The following LRRC4C variants were observed in gnomAD, a reference collection of about 807,000 sequenced individuals.
LRRC4C encodes the protein leucine rich repeat containing 4C.
A neutral mutation model predicts 33.6 loss-of-function variants in LRRC4C; 5 were observed. The observed-to-expected ratio is 0.15, with a 90% CI of 0.08 to 0.31. LRRC4C has a LOEUF of 0.31. LRRC4C is among the 10% of genes least tolerant of loss of function. The pLI is 1.00. For synonymous variants in LRRC4C, 329 were observed against 302.0 expected (o/e 1.09, Z -0.93); for missense variants, 560 against 796.7 (o/e 0.70, Z 3.58).
At position 40,382,168 on chromosome 11, in the gene LRRC4C, G is replaced by C. The variant is rs1439803897; in HGVS notation, c.-269-62447C>G. Among the ~76,000 whole-genome samples the C allele has an allele frequency of 2.8e-4, 34 of 122,882 alleles. No individual in the cohort carries two copies. In the East Asian group the frequency reaches 4.6e-3, roughly 17 times the overall value. The allele number at this position is 122,882 out of a possible 152,430, so 80.6% of individuals were successfully genotyped here. Reference sequence around the variant, plus strand: ...TTTTTTTTTTTTTGTATTTCTAGTAGAGACAGGGTTTCACCGTGTTAACTA... The same window carrying C: ...TTTTTTTTTTTTTGTATTTCTAGTACAGACAGGGTTTCACCGTGTTAACTA... On this transcript the variant is annotated intron_variant, in intron 3 of 6. Coordinates refer to ENST00000528697, the MANE Select transcript of LRRC4C (RefSeq NM_001258419.2).
At chr11:40,586,884 A>G (rs1958779336) in intron 3 of LRRC4C, among the ~76,000 whole-genome samples, 1 of 152,224 alleles carries the variant, frequency 6.6e-6, no homozygotes, top group Non-Finnish European at 1.5e-5. Context: ...GTAGCCTTGT[A>G]GTATAGTTTG....
intron 1 of LRRC4C, among the ~76,000 whole-genome samples, chr11:40,974,963 T>G (rs1851981281): frequency 6.6e-6 from 1 of 152,130 alleles, no homozygotes. Context: ...CAACATCAGC[T>G]TTTCTGGTTT....
intron 2 of LRRC4C, among the ~76,000 whole-genome samples, chr11:40,656,237 T>C (rs1943104536): frequency 6.6e-6 from 1 of 151,660 alleles, no homozygotes. Flanking sequence ...TTTTGTCCAC[T>C]CATCTCTAAT....
At chr11:40,465,916 GCTATTGGGTAT>G (rs1952629101) in intron 3 of LRRC4C, among the ~76,000 whole-genome samples, 1 of 151,962 alleles carries the variant, frequency 6.6e-6, no homozygotes, top group Non-Finnish European at 1.5e-5. Flanking sequence ...CAGCAATTCC[GCTATTGGGTAT>G]CTACCCAAAG....
At chr11:40,999,905 G>A (rs1003129830) in intron 1 of LRRC4C, among the ~76,000 whole-genome samples, 8 of 152,002 alleles carry the variant, frequency 5.3e-5, no homozygotes, top group African/African-American at 1.9e-4. Flanking sequence ...TGTGACAGAA[G>A]GGAGAAAGGC....
chr11:41,265,627 T>C (rs1211542849), intron 1 of LRRC4C, among the ~76,000 whole-genome samples: 1 of 152,106 alleles, frequency 6.6e-6, no homozygotes, highest in Non-Finnish European at 1.5e-5. Context: ...GGGAAAAACC[T>C]AGTTGCCAGA....
At chr11:40,908,752 T>C (rs543845076) in intron 2 of LRRC4C, among the ~76,000 whole-genome samples, 2 of 152,252 alleles carry the variant, frequency 1.3e-5, no homozygotes, top group Admixed American at 6.5e-5. Flanking sequence ...GATTTGAGTG[T>C]AACTTATTCA....
At chr11:40,343,816 T>C (rs986764433) in intron 3 of LRRC4C, among the ~76,000 whole-genome samples, 1 of 147,794 alleles carries the variant, frequency 6.8e-6, no homozygotes, top group Non-Finnish European at 1.5e-5. Context: ...GGCAAAGGGG[T>C]CATTACCACT....
At chr11:41,078,975 C>T (rs1266149730) in intron 1 of LRRC4C, among the ~76,000 whole-genome samples, 1 of 152,108 alleles carries the variant, frequency 6.6e-6, no homozygotes, top group East Asian at 1.9e-4. Flanking sequence ...TTTTTTCTCC[C>T]ACAGAATTTT....
chr11:40,902,433 G>T (rs80171226), intron 2 of LRRC4C, among the ~76,000 whole-genome samples: 64 of 152,112 alleles, frequency 4.2e-4, no homozygotes, highest in African/African-American at 1.5e-3. Context: ...ATTGAAATTA[G>T]ATCAACGAAT....
chr11:41,380,047 C>T (rs1225043628), intron 1 of LRRC4C, among the ~76,000 whole-genome samples: 2 of 152,044 alleles, frequency 1.3e-5, no homozygotes, highest in African/African-American at 4.8e-5. Context: ...GATAAGTCCA[C>T]TGTGCAATGG....
intron 3 of LRRC4C, among the ~76,000 whole-genome samples, chr11:40,453,275 G>A (rs1362657860): frequency 1.3e-5 from 2 of 152,038 alleles, no homozygotes; most frequent in African/African-American, 2.4e-5. Context: ...TTCTTTAAAT[G>A]TAAAATGAGA....
chr11:40,987,808 C>A (rs1853183340), intron 1 of LRRC4C, among the ~76,000 whole-genome samples: 1 of 151,336 alleles, frequency 6.6e-6, no homozygotes, highest in Admixed American at 6.6e-5. Context: ...CACTTACCAC[C>A]CCATGAAATG....
In LRRC4C at chr11:40,405,389, G is replaced by A. The variant is rs184282031; in HGVS notation, c.-269-85668C>T. ...GGTGGCTCACGCCTGTAATCCCAGC[G>A]CTTTGGGAAGCCAAGGTGGGTGGAT... On this transcript the variant is annotated intron_variant, in intron 3 of 6. Coordinates refer to ENST00000528697, the MANE Select transcript of LRRC4C (RefSeq NM_001258419.2). Among the ~76,000 whole-genome samples, 27 of 151,884 alleles carry A rather than the reference G, an allele frequency of 1.8e-4. No individual in the cohort carries two copies. The East Asian group carries it at 3.3e-3, about 19-fold the overall frequency.
At chr11:40,587,353 T>C (rs1184202683) in intron 3 of LRRC4C, among the ~76,000 whole-genome samples, 1 of 144,326 alleles carries the variant, frequency 6.9e-6, no homozygotes, top group Non-Finnish European at 1.5e-5. Flanking sequence ...TGAAGTTGCT[T>C]ATCAGCTTAA....
chr11:40,133,214 C>T (rs1856763193), intron 6 of LRRC4C, among the ~76,000 whole-genome samples: 1 of 152,136 alleles, frequency 6.6e-6, no homozygotes, highest in Non-Finnish European at 1.5e-5. Flanking sequence ...TCACCAATGC[C>T]TTTATAGGTT....
chr11:41,304,088 G>A (rs1950383592), intron 1 of LRRC4C, among the ~76,000 whole-genome samples: 1 of 75,364 alleles, frequency 1.3e-5, no homozygotes, highest in Non-Finnish European at 3.4e-5. Flanking sequence ...CGTCCGGGAG[G>A]TGAGGGGCGC....
At chr11:40,177,127 G>A in intron 5 of LRRC4C, among the ~76,000 whole-genome samples, 1 of 151,562 alleles carries the variant, frequency 6.6e-6, no homozygotes, top group Admixed American at 6.6e-5. Flanking sequence ...CTAATTTTTT[G>A]TTTCTTTAGA....
chr11:41,010,403 A>G (rs1160469617), intron 1 of LRRC4C, among the ~76,000 whole-genome samples: 1 of 152,182 alleles, frequency 6.6e-6, no homozygotes, highest in Non-Finnish European at 1.5e-5. Context: ...AATCATTTTA[A>G]AACATAGCAT....
Sources: allele counts gnomAD v4.1 joint callset (sites outside exome capture counted in the v4.1 genomes callset), GRCh38; gene constraint gnomAD v4.1.1; transcripts MANE v1.5; gene names NCBI Gene and HGNC (gene_info 2026-07-23, HGNC 2026-07-21).